The following ZC3H14 variants were observed in gnomAD, a reference collection of about 807,000 sequenced individuals.
ZC3H14 encodes zinc finger CCCH domain-containing protein 14.
A neutral mutation model predicts 92.4 loss-of-function variants in ZC3H14; 31 were observed. The observed-to-expected ratio is 0.34, with a 90% CI of 0.25 to 0.45. The LOEUF is 0.45. Among genes scored for constraint, ZC3H14 ranks in the 20% least tolerant of loss-of-function variants. The probability of loss-of-function intolerance (pLI) is 1.00; values close to 1 mark genes in which losing one functional copy is unlikely to be tolerated. For synonymous variants in ZC3H14, 321 were observed against 300.9 expected (o/e 1.07, Z -0.69); for missense variants, 781 against 897.3 (o/e 0.87, Z 1.66).
Position 88,622,658 on chromosome 14 carries a change from G to A in ZC3H14, c.*10907G>A. 1 of 1,611,524 alleles carries A rather than the reference G, an allele frequency of 6.2e-7. No individual in the cohort carries two copies. The highest frequency in any genetic ancestry group is 1.1e-5 in the South Asian group (1 of 90,406). Reference sequence around the variant, plus strand: ...CTGTGGCTTGTCCTGTCTCAAGCCTGAAGGCACGGCACCGCCTCAGTTCCT... The same window carrying A: ...CTGTGGCTTGTCCTGTCTCAAGCCTAAAGGCACGGCACCGCCTCAGTTCCT... On this transcript the variant is annotated 3_prime_UTR_variant, in exon 17 of 17. Transcript: ENST00000251038.
At chr14:88,603,141 T>C in intron 12 of ZC3H14, 81 bp downstream of exon 12, 4 of 1,353,372 alleles carry the variant, frequency 3.0e-6, no homozygotes, top group Non-Finnish European at 3.1e-6. Flanking sequence ...GAATGAATAT[T>C]GGTTAAAGGC....
intron 10 of ZC3H14, among the ~76,000 whole-genome samples, chr14:88,597,537 C>T (rs150970969): frequency 3.8e-4 from 58 of 152,260 alleles, no homozygotes; most frequent in African/African-American, 9.1e-4. Flanking sequence ...CTCTGTTCCC[C>T]GACCCTCCCC....
In ZC3H14 at chr14:88,609,395, C is replaced by T. The variant is rs778055364; in HGVS notation, c.1997C>T (p.Pro666Leu). 4 of 1,613,948 alleles carry T rather than the reference C, an allele frequency of 2.5e-6. No homozygotes were observed. The highest frequency in any genetic ancestry group is 4.5e-5 in the East Asian group (2 of 44,826). Residue 666 changes from proline (P) to leucine (L), a missense_variant, in exon 14 of 17, where the codon CCA becomes CTA. Around this residue, in one of 3 missense-constraint regions of ZC3H14, gnomAD observed 221 missense variants for 304.7 expected, o/e 0.73. Coordinates refer to ENST00000251038, the MANE Select transcript of ZC3H14 (RefSeq NM_024824.5). ...HVSRRIPVLS[P>L]KPAVAPPAPP... The stretch of plus-strand genomic sequence containing the variant: ...AGTAGAAGAATTCCAGTACTGTCTC[C>T]AAAACCAGGTGAGTGAGTGACTGTG...
At chr14:88,607,404 A>G (rs761429721) in intron 13 of ZC3H14, 41 bp downstream of exon 13, 17 of 1,339,604 alleles carry the variant, frequency 1.3e-5, no homozygotes, top group Non-Finnish European at 1.7e-5. Flanking sequence ...AGTGAGTACC[A>G]TCCCCCCATC....
chr14:88,568,964 C>T (rs1035514279), intron 3 of ZC3H14, among the ~76,000 whole-genome samples: 1 of 152,094 alleles, frequency 6.6e-6, no homozygotes, highest in Non-Finnish European at 1.5e-5. Flanking sequence ...TCGCTGCAGC[C>T]TCGATCTCCT....
intron 11 of ZC3H14, 58 bp downstream of exon 11, chr14:88,602,141 C>G: frequency 1.2e-6 from 2 of 1,609,118 alleles, no homozygotes; most frequent in Non-Finnish European, 1.7e-6. Context: ...TAAAGGTTAA[C>G]CATTCGTTTG....
intron 7 of ZC3H14, among the ~76,000 whole-genome samples, chr14:88,575,403 AC>A (rs2081032586): frequency 6.6e-6 from 1 of 152,126 alleles, no homozygotes; most frequent in Admixed American, 6.6e-5. Flanking sequence ...ATTTAAAAAA[AC>A]TAAAAGGGGC....
intron 9 of ZC3H14, chr14:88,586,847 CCTTA>C (rs1476750618): frequency 1.3e-5 from 2 of 152,056 alleles, no homozygotes; most frequent in Non-Finnish European, 2.9e-5. Context: ...AAGCAACATT[CCTTA>C]CTTCATTCTT....
At chr14:88,567,269 C>T (rs1343713206) in intron 2 of ZC3H14, among the ~76,000 whole-genome samples, 1 of 151,676 alleles carries the variant, frequency 6.6e-6, no homozygotes, top group Admixed American at 6.6e-5. Flanking sequence ...GCGCTCACCA[C>T]CACACCCGGC....
chr14:88,607,506 GAGTACCATCCCATCTCACCCTGCA>G (rs2085637529), intron 13 of ZC3H14, 143 bp downstream of exon 13: 5 of 790,154 alleles, frequency 6.3e-6, no homozygotes, highest in Admixed American at 2.0e-5. Context: ...ACCCTCAAGT[GAGTACCATCCCATCTCACCCTGCA>G]AGTACCATCC....
At chr14:88,563,763 G>A (rs963773372) in intron 2 of ZC3H14, 70 bp downstream of exon 2, 2 of 1,427,938 alleles carry the variant, frequency 1.4e-6, no homozygotes, top group Non-Finnish European at 2.0e-6. Flanking sequence ...TAGTGAATGC[G>A]TATTTCTCAC....
chr14:88,621,377 C>G lies in ZC3H14; in HGVS notation c.*9626C>G, dbSNP rs2088889301. The stretch of plus-strand genomic sequence containing the variant: ...TCTTCTTCATAATATAAAAATGACC[C>G]TATTGACCTGCTTTCAGAGAACTTT... On this transcript the variant is annotated 3_prime_UTR_variant, in exon 17 of 17. Coordinates refer to ENST00000251038, the MANE Select transcript of ZC3H14 (RefSeq NM_024824.5). The G allele has an allele frequency of 1.3e-6, 2 of 1,559,274 alleles. No homozygotes were observed. Among genetic ancestry groups the G allele is most frequent in the Admixed American group, 1.7e-5 (1 of 58,738 alleles).
chr14:88,608,050 C>G, intron 13 of ZC3H14: 1 of 366,494 alleles, frequency 2.7e-6, no homozygotes, highest in East Asian at 8.2e-5. Flanking sequence ...GTACCATCCC[C>G]CATCTCACCC....
intron 9 of ZC3H14, among the ~76,000 whole-genome samples, chr14:88,587,385 C>G (rs1032576951): frequency 6.6e-6 from 1 of 152,104 alleles, no homozygotes; most frequent in Admixed American, 6.5e-5. Context: ...AGGCTGGTCT[C>G]AAACTCCTGA....
intron 9 of ZC3H14, among the ~76,000 whole-genome samples, chr14:88,596,400 G>A (rs149630231): frequency 1.8e-4 from 28 of 152,208 alleles, no homozygotes; most frequent in Non-Finnish European, 3.2e-4. Flanking sequence ...GCTGTGATGC[G>A]AGCTGCTGGG....
At chr14:88,590,587 C>T (rs992908750) in intron 9 of ZC3H14, 1 of 152,214 alleles carries the variant, frequency 6.6e-6, no homozygotes, top group Admixed American at 6.5e-5. Context: ...CTTTATTTTT[C>T]CCCATAACGT....
intron 9 of ZC3H14, chr14:88,594,535 C>A: frequency 7.0e-7 from 1 of 1,430,092 alleles, no homozygotes; most frequent in Non-Finnish European, 9.1e-7. Context: ...AATTCTGACT[C>A]TAGAAATGTA....
intron 9 of ZC3H14, among the ~76,000 whole-genome samples, chr14:88,581,883 T>C (rs1188662959): frequency 5.9e-5 from 9 of 152,358 alleles, no homozygotes; most frequent in Non-Finnish European, 1.2e-4. Flanking sequence ...TAGATAATCA[T>C]TCATTGTCTT....
chr14:88,596,873 C>G (rs2083905853), intron 10 of ZC3H14, 65 bp downstream of exon 10: 2 of 1,337,504 alleles, frequency 1.5e-6, no homozygotes, highest in Non-Finnish European at 2.2e-6. Flanking sequence ...TTTCTTACAC[C>G]CCATTTAACG....
Sources: allele counts gnomAD v4.1 joint callset (sites outside exome capture counted in the v4.1 genomes callset), GRCh38; gene constraint gnomAD v4.1.1; regional missense constraint gnomAD v4.1.1; transcripts MANE v1.5; gene names NCBI Gene and HGNC (gene_info 2026-07-23, HGNC 2026-07-21).